Variants in PIK3C2A observed in about 807,000 individuals in gnomAD.
PIK3C2A encodes the protein phosphatidylinositol 4-phosphate 3-kinase C2 domain-containing subunit alpha.
PIK3C2A carries 97 observed loss-of-function variants against 204.5 expected under a neutral mutation model. The ratio of observed to expected loss-of-function variants is 0.47; its 90% CI spans 0.40 to 0.56. The LOEUF (loss-of-function observed/expected upper bound fraction) is 0.56. PIK3C2A is among the 20% of genes least tolerant of loss of function. PIK3C2A has a pLI of 0.00. For missense variants in PIK3C2A, 1,735 were observed against 1,969.2 expected, an observed-to-expected ratio of 0.88 and a Z score of 2.25; for synonymous variants, 653 against 664.4, an observed-to-expected ratio of 0.98 and a Z score of 0.26.
chr11:17,126,049 A>G (rs763443751), intron 13 of PIK3C2A, among the ~76,000 whole-genome samples: 1 of 152,060 alleles, frequency 6.6e-6, no homozygotes, highest in Non-Finnish European at 1.5e-5. Context: ...ACTTGAACCT[A>G]GGAGGCAGAG....
rs773177271 is a variant in PIK3C2A at position 17,119,806 on chromosome 11, T to C, written c.2826A>G (p.Ala942=). The change falls in exon 16 of 33, where the codon GCA becomes GCG. Residue 942 remains alanine, a synonymous_variant. Transcript: ENST00000691414. The part of the protein sequence containing the change: ...HQWPALYPLI[A]LELLDSKFAD... ...CTTACTTTGAATCAAGAAGTTCCAA[T>C]GCAATTAGTGGGTACAATGCAGGCC... The C allele has an allele frequency of 1.3e-6, 2 of 1,554,104 alleles. No individual in the cohort carries two copies. The highest frequency in any genetic ancestry group is 1.7e-6 in the Non-Finnish European group (2 of 1,156,620).
intron 32 of PIK3C2A, 128 bp from the exon 33 acceptor site, chr11:17,090,048 C>T: frequency 4.5e-6 from 3 of 668,582 alleles, no homozygotes; most frequent in Admixed American, 2.6e-5. Context: ...GATTATGACA[C>T]ATCCGGTAGG....
At position 17,193,869 on chromosome 11, in the gene PIK3C2A, A is replaced by AGGGGAGGGGAGGGG. The variant is rs1565305770; in HGVS notation, c.-66+13978_-66+13979insCCCCTCCCCTCCCC. On this transcript the variant is annotated intron_variant, in intron 1 of 32. Transcript: ENST00000691414. ...CAAAAAAAGAAAAGAAAAGAAAAGA[A>AGGGGAGGGGAGGGG]AAGAAAAGAAAAGAAAAGAAAAGAA... The AGGGGAGGGGAGGGG allele has an allele frequency of 9.8e-5, 9 of 91,874 alleles. 1 individual carries two copies. Among genetic ancestry groups the AGGGGAGGGGAGGGG allele is most frequent in the East Asian group, 1.8e-3 (1 of 550 alleles). 5.7% of individuals were successfully genotyped at this position (91,874 alleles called of 1,614,324 possible). A position where few individuals can be genotyped will look rare whatever the true frequency, so the allele number is the denominator to read the frequency against.
Position 17,135,021 on chromosome 11 carries a change from T to C in PIK3C2A, c.1906A>G (p.Asn636Asp). The C allele has an allele frequency of 3.1e-6, 5 of 1,613,698 alleles. No homozygotes were observed. Among genetic ancestry groups the C allele is most frequent in the Non-Finnish European group, 4.2e-6 (5 of 1,179,644 alleles). ...CTTACTTGAACAGGATTTTCAGGAT[T>C]AAGTGAGCCTAGATTAAAGAAAAAA... is the stretch of plus-strand genomic sequence containing the variant. ...TSRSSTRGSL[N>D]PENPVQVSIN... Residue 636 changes from asparagine to aspartate, a missense_variant, in exon 11 of 33, where the codon AAT (asparagine) becomes GAT (aspartate). Physicochemically the swap from Asn to Asp is conservative, Grantham distance 23. Transcript: ENST00000691414.
intron 11 of PIK3C2A, among the ~76,000 whole-genome samples, chr11:17,134,587 C>T (rs1849809901): frequency 6.6e-6 from 1 of 152,202 alleles, no homozygotes; most frequent in Non-Finnish European, 1.5e-5. Flanking sequence ...TCTCGAACTC[C>T]TGACCTCAGG....
chr11:17,156,872 T>C (rs916489560), intron 2 of PIK3C2A, among the ~76,000 whole-genome samples: 13 of 152,138 alleles, frequency 8.5e-5, no homozygotes, highest in South Asian at 4.2e-4. Flanking sequence ...AGGTGTGGCA[T>C]TGCACACTTG....
chr11:17,119,140 C>G, intron 17 of PIK3C2A, 80 bp downstream of exon 17: 1 of 813,686 alleles, frequency 1.2e-6, no homozygotes, highest in Non-Finnish European at 2.1e-6. Flanking sequence ...TTAATCTAAA[C>G]AGAATGGGGA....
At chr11:17,121,487 A>ATT (rs1491463782) in intron 15 of PIK3C2A, among the ~76,000 whole-genome samples, 2 of 152,192 alleles carry the variant, frequency 1.3e-5, no homozygotes, top group African/African-American at 4.8e-5. Flanking sequence ...CAAATATAAA[A>ATT]GAGTTTTATA....
intron 12 of PIK3C2A, 44 bp from the exon 13 acceptor site, chr11:17,129,511 G>C (rs747494165): frequency 7.8e-7 from 1 of 1,281,396 alleles, no homozygotes; most frequent in Non-Finnish European, 1.1e-6. Flanking sequence ...TAGATTGAAT[G>C]ATTTTGAAAT....
At chr11:17,166,827 T>C (rs1162975681) in intron 2 of PIK3C2A, among the ~76,000 whole-genome samples, 1 of 152,128 alleles carries the variant, frequency 6.6e-6, no homozygotes, top group Admixed American at 6.5e-5. Flanking sequence ...AAACACAGAA[T>C]TCATTTCTCT....
In PIK3C2A at chr11:17,134,721, CA is replaced by C. The variant is rs1482754739; in HGVS notation, c.2108+97del. ...AGGTCTCATTGCCAAGGCTGGTCTC[CA>C]ACTCCTGGGGTCAAGCAATCCTCCC... On this transcript the variant is annotated intron_variant, in intron 11 of 32. Transcript: ENST00000691414. The C allele has an allele frequency of 4.3e-5, 38 of 888,806 alleles. No individual in the cohort carries two copies. In the African/African-American group the frequency reaches 6.0e-4, roughly 14 times the overall value. 55.1% of individuals were successfully genotyped at this position (888,806 alleles called of 1,614,324 possible).
At chr11:17,130,416 A>C (rs1426097444) in intron 12 of PIK3C2A, among the ~76,000 whole-genome samples, 1 of 152,238 alleles carries the variant, frequency 6.6e-6, no homozygotes, top group Non-Finnish European at 1.5e-5. Flanking sequence ...AAAGAAAATA[A>C]GACAATAGGA....
intron 2 of PIK3C2A, among the ~76,000 whole-genome samples, chr11:17,157,003 A>G (rs981777704): frequency 6.6e-6 from 1 of 152,142 alleles, no homozygotes; most frequent in African/African-American, 2.4e-5. Flanking sequence ...TTATATCAAT[A>G]TAACTCTGTA....
chr11:17,181,389 T>C (rs570135552), intron 1 of PIK3C2A, among the ~76,000 whole-genome samples: 162 of 151,752 alleles, frequency 1.1e-3, no homozygotes, highest in African/African-American at 3.8e-3. Flanking sequence ...TGGAATTCTA[T>C]ATAGCAATGC....
At chr11:17,139,233 CT>C (rs770906529) in intron 8 of PIK3C2A, among the ~76,000 whole-genome samples, 152 of 132,816 alleles carry the variant, frequency 1.1e-3, no homozygotes, top group Middle Eastern at 6.1e-3. Context: ...TTAAATTTCC[CT>C]TTTTTTTTTT....
intron 8 of PIK3C2A, among the ~76,000 whole-genome samples, chr11:17,143,385 C>A (rs1446262718): frequency 6.6e-6 from 1 of 152,080 alleles, no homozygotes; most frequent in Non-Finnish European, 1.5e-5. Context: ...TGAAACCAAT[C>A]CCAACCTGAA....
intron 1 of PIK3C2A, among the ~76,000 whole-genome samples, chr11:17,180,529 A>AAAAC (rs1851509338): frequency 1.2e-5 from 1 of 86,352 alleles, no homozygotes; most frequent in African/African-American, 4.0e-5. Flanking sequence ...AACAAAAAAC[A>AAAAC]AAAAAAAAAA....
At chr11:17,123,424 T>G (rs1301305080) in intron 13 of PIK3C2A, among the ~76,000 whole-genome samples, 8 of 149,844 alleles carry the variant, frequency 5.3e-5, no homozygotes, top group African/African-American at 2.0e-4. Context: ...AATTCTTGTT[T>G]TTTTTTTTTT....
At chr11:17,100,076 A>T (rs903932002) in intron 25 of PIK3C2A, 107 bp from the exon 26 acceptor site, 35 of 632,878 alleles carry the variant, frequency 5.5e-5, no homozygotes, top group Non-Finnish European at 8.2e-5. Context: ...AAACAAAAAT[A>T]ATCAGTCTTG....
Sources: allele counts gnomAD v4.1 joint callset (sites outside exome capture counted in the v4.1 genomes callset), GRCh38; gene constraint gnomAD v4.1.1; transcripts MANE v1.5; gene names NCBI Gene and HGNC (gene_info 2026-07-23, HGNC 2026-07-21).